Variants in METTL15 observed in about 807,000 individuals in gnomAD.
METTL15 encodes methyltransferase 15, mitochondrial 12S rRNA N4-cytidine, also known as 12S rRNA N(4)-cytidine methyltransferase METTL15.
Under a neutral mutation model 38.3 loss-of-function variants are expected in METTL15, and 34 were observed. That is an observed-to-expected ratio of 0.89 (90% CI 0.68 to 1.18). The LOEUF is 1.18. METTL15 is among the 50% of genes most tolerant of loss of function. The pLI is 0.00. For missense variants in METTL15, 438 were observed against 498.4 expected (o/e 0.88, Z 1.15); for synonymous variants, 162 against 170.9 (o/e 0.95, Z 0.41).
chr11:28,391,862 C>G (rs1434195239), intron 5 of METTL15, among the ~76,000 whole-genome samples: 4 of 152,098 alleles, frequency 2.6e-5, no homozygotes, highest in Non-Finnish European at 4.4e-5. Context: ...CATAAAAACC[C>G]TAGAAGAAAA....
chr11:28,297,601 T>C (rs1251363244), intron 6 of METTL15, among the ~76,000 whole-genome samples: 1 of 152,146 alleles, frequency 6.6e-6, no homozygotes, highest in African/African-American at 2.4e-5. Context: ...CGCTTTATTA[T>C]AGCCTCTCTG....
intron 3 of METTL15, among the ~76,000 whole-genome samples, chr11:28,133,124 C>T (rs569748476): frequency 2.0e-4 from 31 of 152,078 alleles, no homozygotes; most frequent in African/African-American, 5.3e-4. Flanking sequence ...AAGAAAAAGA[C>T]GAAAAGTAAG....
chr11:28,374,948 G>A (rs1457200466), intron 5 of METTL15, among the ~76,000 whole-genome samples: 1 of 151,844 alleles, frequency 6.6e-6, no homozygotes, highest in Admixed American at 6.6e-5. Flanking sequence ...CATTGGTTCT[G>A]TTTATATGCT....
chr11:28,361,141 G>A (rs1850134927), intron 4 of METTL15, among the ~76,000 whole-genome samples: 1 of 150,944 alleles, frequency 6.6e-6, no homozygotes, highest in Non-Finnish European at 1.5e-5. Flanking sequence ...TGTCTTTATA[G>A]CAGCATGATT....
intron 4 of METTL15, among the ~76,000 whole-genome samples, chr11:28,361,747 C>T (rs1850141083): frequency 6.6e-6 from 1 of 151,956 alleles, no homozygotes; most frequent in Non-Finnish European, 1.5e-5. Context: ...ACTACCAAAC[C>T]ATTCATGGAT....
chr11:28,441,299 G>A (rs999109793), intron 6 of METTL15, among the ~76,000 whole-genome samples: 11 of 151,744 alleles, frequency 7.2e-5, no homozygotes, highest in Non-Finnish European at 1.0e-4. Flanking sequence ...GGCTGGTCTC[G>A]ATATTCTGAT....
intron 6 of METTL15, among the ~76,000 whole-genome samples, chr11:28,437,513 A>G (rs1188110029): frequency 2.0e-5 from 3 of 152,332 alleles, no homozygotes; most frequent in Non-Finnish European, 1.5e-5. Context: ...AACACACCCT[A>G]TACAGCACTC....
At chr11:28,164,332 G>C (rs1432735356) in intron 3 of METTL15, among the ~76,000 whole-genome samples, 3 of 151,798 alleles carry the variant, frequency 2.0e-5, no homozygotes, top group Non-Finnish European at 4.4e-5. Context: ...TCAGTTTCAG[G>C]GTTTATAAGT....
At chr11:28,302,286 G>C (rs1377170147) in intron 6 of METTL15, among the ~76,000 whole-genome samples, 1 of 152,106 alleles carries the variant, frequency 6.6e-6, no homozygotes, top group African/African-American at 2.4e-5. Flanking sequence ...TCTGCTTTTA[G>C]AATGTTTGGA....
chr11:28,254,687 A>G (rs1854899084), intron 4 of METTL15, among the ~76,000 whole-genome samples: 1 of 152,072 alleles, frequency 6.6e-6, no homozygotes, highest in African/African-American at 2.4e-5. Context: ...GGTCTTCATT[A>G]TTCCGCAAAT....
intron 6 of METTL15, among the ~76,000 whole-genome samples, chr11:28,323,144 G>T (rs1047887083): frequency 6.6e-6 from 1 of 151,976 alleles, no homozygotes; most frequent in Non-Finnish European, 1.5e-5. Flanking sequence ...AAAGAGTAGT[G>T]ACATTAACTA....
At chr11:28,470,781 T>C (rs1336743876) in intron 6 of METTL15, among the ~76,000 whole-genome samples, 1 of 152,134 alleles carries the variant, frequency 6.6e-6, no homozygotes, top group East Asian at 1.9e-4. Context: ...ATTTCCTTTT[T>C]GTTACTTGAG....
chr11:28,415,210 G>A (rs1026250076), intron 5 of METTL15, among the ~76,000 whole-genome samples: 1 of 152,182 alleles, frequency 6.6e-6, no homozygotes, highest in African/African-American at 2.4e-5. Flanking sequence ...TATAGAGTTA[G>A]AACTTGCAGT....
chr11:28,165,781 A>G (rs1191203061), intron 3 of METTL15, among the ~76,000 whole-genome samples: 1 of 151,696 alleles, frequency 6.6e-6, no homozygotes, highest in East Asian at 1.9e-4. Flanking sequence ...TAGTTTTCGT[A>G]TTTTCTGATA....
At chr11:28,392,675 A>G (rs1419657873) in intron 5 of METTL15, among the ~76,000 whole-genome samples, 1 of 152,142 alleles carries the variant, frequency 6.6e-6, no homozygotes, top group African/African-American at 2.4e-5. Flanking sequence ...TCAAACTTAA[A>G]AAGTTTTGCA....
At chr11:28,288,079 A>C (rs1443122593) in intron 4 of METTL15, among the ~76,000 whole-genome samples, 1 of 152,162 alleles carries the variant, frequency 6.6e-6, no homozygotes, top group Non-Finnish European at 1.5e-5. Context: ...AACATCACTG[A>C]TCATTAGAGA....
At chr11:28,186,968 C>G (rs1851518690) in intron 3 of METTL15, among the ~76,000 whole-genome samples, 1 of 150,824 alleles carries the variant, frequency 6.6e-6, no homozygotes, top group African/African-American at 2.4e-5. Context: ...TATAAAATAA[C>G]TACAGTGTTA....
At chr11:28,296,653 T>G in intron 5 of METTL15, 100 bp from the exon 6 acceptor site, 1 of 1,228,850 alleles carries the variant, frequency 8.1e-7, no homozygotes, top group East Asian at 2.4e-5. Context: ...TCTCCTAGAG[T>G]ATGTGTGTGT....
intron 6 of METTL15, among the ~76,000 whole-genome samples, chr11:28,311,035 T>G (rs1857284513): frequency 6.7e-6 from 1 of 148,758 alleles, no homozygotes; most frequent in African/African-American, 2.5e-5. Context: ...GAAGAGAGAT[T>G]CCATCCATTA....
Sources: gnomAD v4.1 joint callset for allele counts (sites outside exome capture counted in the v4.1 genomes callset) on GRCh38, gnomAD v4.1.1 for gene constraint, MANE v1.5 for transcripts, NCBI Gene and HGNC (gene_info 2026-07-23, HGNC 2026-07-21) for gene names.